PRKN: variants seen among roughly 807,000 people sequenced by gnomAD.
PRKN encodes E3 ubiquitin-protein ligase parkin.
In PRKN, 56 loss-of-function variants were observed where a neutral mutation model predicts 59.5. The ratio of observed to expected loss-of-function variants is 0.94; its 90% CI spans 0.76 to 1.18. PRKN has a LOEUF of 1.18. Among genes scored for constraint, PRKN ranks in the 50% most tolerant of loss-of-function variants. The probability of loss-of-function intolerance (pLI) is 0.00; values close to 1 mark genes in which losing one functional copy is unlikely to be tolerated. For synonymous variants in PRKN, 250 were observed against 222.1 expected, an observed-to-expected ratio of 1.13 and a Z score of -1.12; for missense variants, 657 against 596.4, an observed-to-expected ratio of 1.10 and a Z score of -1.06.
intron 1 of PRKN, among the ~76,000 whole-genome samples, chr6:162,477,588 G>T (rs899330607): frequency 6.6e-6 from 1 of 152,118 alleles, no homozygotes; most frequent in Non-Finnish European, 1.5e-5. Flanking sequence ...AAGATGCAAA[G>T]TCTTCAGGTG....
At chr6:161,880,312 A>G (rs1319388384) in intron 6 of PRKN, among the ~76,000 whole-genome samples, 2 of 152,144 alleles carry the variant, frequency 1.3e-5, no homozygotes, top group Non-Finnish European at 2.9e-5. Flanking sequence ...AAAAATTTCT[A>G]TTTCTGGTCA....
intron 2 of PRKN, among the ~76,000 whole-genome samples, chr6:162,328,298 A>G (rs9347619): frequency 0.75 from 113,543 of 151,960 alleles, 43,339 homozygotes; most frequent in East Asian, 0.9. Flanking sequence ...GACAGGAGAC[A>G]GAGGCTGCAG....
chr6:161,410,756 G>T lies in PRKN; in HGVS notation c.1084-23879C>A, dbSNP rs1787501010. On this transcript the variant is annotated intron_variant, in intron 9 of 11. Transcript: ENST00000366898. This position sits in a 1 kb window ranked among gnomAD's most constrained non-coding sequence, Gnocchi z 5.3. The stretch of plus-strand genomic sequence containing the variant: ...CAGTGCCATGGGAAATGCATCATTG[G>T]TGCTCATGACAACGGCACGCCAAGG... Among the ~76,000 whole-genome samples the T allele has an allele frequency of 6.6e-6, 1 of 152,154 alleles. No homozygotes were observed. Among genetic ancestry groups the T allele is most frequent in the Non-Finnish European group, 1.5e-5 (1 of 68,024 alleles).
chr6:161,754,974 G>A (rs938920277), intron 7 of PRKN, among the ~76,000 whole-genome samples: 2 of 152,138 alleles, frequency 1.3e-5, no homozygotes, highest in African/African-American at 4.8e-5. Flanking sequence ...ATAGTCCCAG[G>A]GTGCCAGTAT....
intron 2 of PRKN, among the ~76,000 whole-genome samples, chr6:162,325,198 G>C (rs1456347191): frequency 6.6e-6 from 1 of 152,100 alleles, no homozygotes; most frequent in African/African-American, 2.4e-5. Context: ...TAAGCTCTTT[G>C]AATGTAAAGA....
At chr6:162,126,681 G>C (rs1341377713) in intron 4 of PRKN, among the ~76,000 whole-genome samples, 2 of 152,156 alleles carry the variant, frequency 1.3e-5, no homozygotes, top group East Asian at 3.9e-4. Context: ...CTGAGCTTTT[G>C]CAGCTACTCT....
chr6:162,291,576 C>T (rs1298116526), intron 2 of PRKN, among the ~76,000 whole-genome samples: 5 of 152,106 alleles, frequency 3.3e-5, no homozygotes, highest in African/African-American at 9.7e-5. Flanking sequence ...TTTCGAGATG[C>T]CTCACCTCCT....
intron 6 of PRKN, among the ~76,000 whole-genome samples, chr6:161,799,603 C>T (rs1790997660): frequency 6.6e-6 from 1 of 152,174 alleles, no homozygotes; most frequent in Non-Finnish European, 1.5e-5. Flanking sequence ...CCTTATTGAA[C>T]AAAAATGTAC....
intron 4 of PRKN, among the ~76,000 whole-genome samples, chr6:162,173,666 C>G (rs1783398186): frequency 6.6e-6 from 1 of 151,860 alleles, no homozygotes; most frequent in Non-Finnish European, 1.5e-5. Context: ...ATTTCCTCTT[C>G]TTCATGCTTG....
At chr6:161,760,965 T>G (rs1283855567) in intron 7 of PRKN, among the ~76,000 whole-genome samples, 2 of 152,122 alleles carry the variant, frequency 1.3e-5, no homozygotes, top group Non-Finnish European at 2.9e-5. Flanking sequence ...ATCAATAGAG[T>G]GTTTTTCACT....
intron 2 of PRKN, among the ~76,000 whole-genome samples, chr6:162,401,824 T>C (rs886921694): frequency 6.6e-5 from 10 of 152,110 alleles, no homozygotes; most frequent in East Asian, 5.8e-4. Context: ...TATAAGAAAA[T>C]AGAATTTATC....
rs531445588 is a variant in PRKN, at chr6:162,258,624, C to T, written c.412+3901G>A. ...ACTCAAAGCACAGCCCCTGGGCCCGCGGTGTTAGCATCACCTGGGAGCTTG... is the reference window on the plus strand; with the variant it reads ...ACTCAAAGCACAGCCCCTGGGCCCGTGGTGTTAGCATCACCTGGGAGCTTG... On this transcript the variant is annotated intron_variant, in intron 3 of 11. Transcript: ENST00000366898. Among the ~76,000 whole-genome samples the T allele has an allele frequency of 6.8e-4, 103 of 152,308 alleles. 1 individual carries two copies. The highest frequency in any genetic ancestry group is 2.0e-3 in the African/African-American group (84 of 41,576).
chr6:161,719,302 G>A (rs1335450636), intron 7 of PRKN, among the ~76,000 whole-genome samples: 1 of 151,580 alleles, frequency 6.6e-6, no homozygotes, highest in African/African-American at 2.4e-5. Context: ...AAGAGAGGAA[G>A]GAAAAAGGAG....
chr6:161,664,978 G>A (rs1286669292), intron 7 of PRKN, among the ~76,000 whole-genome samples: 1 of 151,628 alleles, frequency 6.6e-6, no homozygotes. Context: ...AGTAGAGATG[G>A]GGTTTCACCA....
At chr6:162,586,100 G>A (rs1417518629) in intron 1 of PRKN, among the ~76,000 whole-genome samples, 1 of 152,118 alleles carries the variant, frequency 6.6e-6, no homozygotes, top group Non-Finnish European at 1.5e-5. Context: ...CTACCTCAGT[G>A]TCACCAAGGC....
chr6:161,532,709 G>A (rs4499906), intron 9 of PRKN, among the ~76,000 whole-genome samples: 10,891 of 152,162 alleles, frequency 0.072, 521 homozygotes, highest in African/African-American at 0.13. Context: ...TAATATGGCT[G>A]GAATGTCATG....
rs530304888 is a variant in PRKN at position 162,368,463 on chromosome 6, A to G, written c.171+74847T>C. Among the ~76,000 whole-genome samples the G allele has an allele frequency of 2.0e-5, 3 of 152,266 alleles. No individual in the cohort carries two copies. The East Asian group carries it at 5.8e-4, about 29-fold the overall frequency. ...AAGTCTCATTGTTTCTTAAAACGCA[A>G]CTATTCTTGAAGACATGGAAGGTCA... On this transcript the variant is annotated intron_variant, in intron 2 of 11. Coordinates refer to ENST00000366898, the MANE Select transcript of PRKN (RefSeq NM_004562.3).
chr6:162,047,870 C>T (rs148652221), intron 5 of PRKN, among the ~76,000 whole-genome samples: 3 of 150,976 alleles, frequency 2.0e-5, no homozygotes, highest in African/African-American at 4.9e-5. Context: ...TTCAAACTAA[C>T]GTTCCAGTTG....
intron 1 of PRKN, among the ~76,000 whole-genome samples, chr6:162,723,860 G>A (rs1055892154): frequency 5.9e-5 from 9 of 152,218 alleles, no homozygotes; most frequent in Admixed American, 5.9e-4. Flanking sequence ...AGGAATCGCT[G>A]TGGAGTGGAT....
Sources: gnomAD v4.1 joint callset for allele counts (sites outside exome capture counted in the v4.1 genomes callset) on GRCh38, gnomAD v4.1.1 for gene constraint, Gnocchi (gnomAD v3.1) non-coding constraint, MANE v1.5 for transcripts, NCBI Gene and HGNC (gene_info 2026-07-23, HGNC 2026-07-21) for gene names.